PTPRN2: variants seen among roughly 807,000 people sequenced by gnomAD.
The protein encoded by PTPRN2 is protein tyrosine phosphatase receptor type N2, also known as receptor-type tyrosine-protein phosphatase N2.
A neutral mutation model predicts 118.8 loss-of-function variants in PTPRN2; 74 were observed. The observed-to-expected ratio is 0.62, with a 90% CI of 0.52 to 0.76. PTPRN2 has a LOEUF of 0.76. Ranked by LOEUF, PTPRN2 falls within the 30% of genes least tolerant of loss-of-function variation. The pLI is 0.00. For synonymous variants in PTPRN2, 641 were observed against 608.0 expected (o/e 1.05, Z -0.80); for missense variants, 1,481 against 1,394.4 (o/e 1.06, Z -0.99).
At chr7:158,134,791 G>T (rs376355540) in intron 8 of PTPRN2, among the ~76,000 whole-genome samples, 2 of 152,168 alleles carry the variant, frequency 1.3e-5, no homozygotes, top group African/African-American at 4.8e-5. Flanking sequence ...GATTTGCTTT[G>T]TGTGGGTTCT....
intron 1 of PTPRN2, among the ~76,000 whole-genome samples, chr7:158,548,567 TTTC>T (rs1159974730): frequency 6.6e-6 from 1 of 152,220 alleles, no homozygotes. Context: ...TGCAAGCACA[TTTC>T]TTCATGACTT....
intron 18 of PTPRN2, among the ~76,000 whole-genome samples, chr7:157,577,056 A>G (rs983088808): frequency 2.0e-5 from 3 of 152,172 alleles, no homozygotes; most frequent in Non-Finnish European, 2.9e-5. Context: ...ATCCAAAACT[A>G]TCCTACTTTC....
At chr7:158,521,828 C>G (rs1395686124) in intron 1 of PTPRN2, among the ~76,000 whole-genome samples, 5 of 61,764 alleles carry the variant, frequency 8.1e-5, no homozygotes, top group Non-Finnish European at 1.4e-4. Context: ...GTCCACGTCA[C>G]AATGGTGGAC....
At chr7:158,137,919 T>C (rs1317295705) in intron 7 of PTPRN2, among the ~76,000 whole-genome samples, 1 of 152,234 alleles carries the variant, frequency 6.6e-6, no homozygotes, top group African/African-American at 2.4e-5. Flanking sequence ...AGAGGACCAA[T>C]GCACGCCCCA....
intron 3 of PTPRN2, among the ~76,000 whole-genome samples, chr7:158,295,226 C>T (rs1563098964): frequency 1.5e-5 from 1 of 67,192 alleles, no homozygotes; most frequent in Non-Finnish European, 3.1e-5. Flanking sequence ...GGCCCGCTGA[C>T]CCTGCCTGTC....
Position 158,520,268 on chromosome 7 carries a change from A to G in PTPRN2, c.113-30483T>C, listed in dbSNP as rs137989418. 8.2e-3 allele frequency among the ~76,000 whole-genome samples: 1,250 copies of G among 152,312 alleles called. 18 individuals carry two copies. Among genetic ancestry groups the G allele is most frequent in the Middle Eastern group, 0.02 (6 of 294 alleles). On this transcript the variant is annotated intron_variant, in intron 1 of 22. Transcript: ENST00000389418. Reference sequence around the variant, plus strand: ...GGTGCATTGGCAGCCTGGGTCTCACACCGTCCCTTCTAGAGCAGGAAGGTG... The same window carrying G: ...GGTGCATTGGCAGCCTGGGTCTCACGCCGTCCCTTCTAGAGCAGGAAGGTG...
intron 12 of PTPRN2, among the ~76,000 whole-genome samples, chr7:157,738,260 C>T (rs542964548): frequency 6.6e-6 from 1 of 152,198 alleles, no homozygotes; most frequent in South Asian, 2.1e-4. Context: ...TTCAACATTC[C>T]TGGCGTCTGA....
Position 158,277,384 on chromosome 7 carries a change from T to C in PTPRN2, c.277+39435A>G, listed in dbSNP as rs527527138. Among the ~76,000 whole-genome samples, 8 of 152,250 alleles carry C rather than the reference T, an allele frequency of 5.3e-5. No homozygotes were observed. In the East Asian group the frequency reaches 1.5e-3, roughly 29 times the overall value. On this transcript the variant is annotated intron_variant, in intron 3 of 22. Transcript: ENST00000389418. ...TGCTGAAGACCACAGAGGAATGTGC[T>C]CCAGACGGAGGAGGCCGGGCCCAGG...
intron 2 of PTPRN2, among the ~76,000 whole-genome samples, chr7:158,338,050 G>T (rs868612810): frequency 4.3e-4 from 6 of 13,964 alleles, no homozygotes; most frequent in Non-Finnish European, 1.1e-3. Flanking sequence ...CTCACCATAA[G>T]AGGTGACACC....
At chr7:157,812,162 C>A (rs1034388506) in intron 12 of PTPRN2, among the ~76,000 whole-genome samples, 3 of 152,176 alleles carry the variant, frequency 2.0e-5, no homozygotes, top group African/African-American at 7.2e-5. Flanking sequence ...TCTGCTCTGG[C>A]CAAGGCAGGG....
At chr7:157,821,874 C>A (rs1004931313) in intron 12 of PTPRN2, among the ~76,000 whole-genome samples, 1 of 152,024 alleles carries the variant, frequency 6.6e-6, no homozygotes, top group Admixed American at 6.6e-5. Flanking sequence ...GGAGGAGGGA[C>A]ATGGGTTAGG....
chr7:157,542,624 C>G (rs909970544), intron 22 of PTPRN2, among the ~76,000 whole-genome samples: 1 of 152,170 alleles, frequency 6.6e-6, no homozygotes, highest in Non-Finnish European at 1.5e-5. Context: ...GGGAACTCCA[C>G]CAGGGTCTGG....
chr7:158,148,926 C>T (rs376708275), intron 6 of PTPRN2, among the ~76,000 whole-genome samples: 38 of 60,550 alleles, frequency 6.3e-4, no homozygotes, highest in South Asian at 1.5e-3. Flanking sequence ...GTCTTTCCCC[C>T]TCAATGACAC....
In PTPRN2 at chr7:157,576,620, A is replaced by G; in HGVS notation, c.2776T>C (p.Phe926Leu). The change falls in exon 19 of 23, where the codon TTC (phenylalanine) becomes CTC (leucine). Residue 926 changes from phenylalanine (F) to leucine (L), a missense_variant. Physicochemically the swap from Phe to Leu is conservative, Grantham distance 22. Transcript: ENST00000389418. ...GCGGGCCGCGCGTCATACCTGCGGA[A>G]GTCCAGGAGGGACCTTGAGGAGGAA... Reference protein sequence around the residue: ...VPSSSRSLLDFRRKVNKCYRG... With the variant: ...VPSSSRSLLDLRRKVNKCYRG... 2 of 1,610,288 alleles carry G rather than the reference A, an allele frequency of 1.2e-6. No individual in the cohort carries two copies. The highest frequency in any genetic ancestry group is 1.1e-5 in the South Asian group (1 of 90,424).
At chr7:158,265,480 C>T in intron 3 of PTPRN2, among the ~76,000 whole-genome samples, 1 of 152,128 alleles carries the variant, frequency 6.6e-6, no homozygotes, top group East Asian at 1.9e-4. Context: ...TGGAGGTAGG[C>T]ACCCACCTGC....
intron 2 of PTPRN2, among the ~76,000 whole-genome samples, chr7:158,340,812 A>G: frequency 1.2e-5 from 1 of 86,226 alleles, no homozygotes; most frequent in Admixed American, 1.1e-4. Context: ...TCACACCCAC[A>G]CATGTCACTC....
intron 2 of PTPRN2, among the ~76,000 whole-genome samples, chr7:158,471,503 C>T (rs1181624336): frequency 6.6e-6 from 1 of 152,144 alleles, no homozygotes; most frequent in Non-Finnish European, 1.5e-5. Flanking sequence ...ACCTGGCCAA[C>T]ATGGTGAAAC....
intron 10 of PTPRN2, among the ~76,000 whole-genome samples, chr7:158,098,033 C>A (rs1209425408): frequency 1.3e-5 from 2 of 152,242 alleles, no homozygotes; most frequent in Non-Finnish European, 2.9e-5. Flanking sequence ...AGCCCACACC[C>A]CCGTCCGTCC....
rs541915533 is a variant in PTPRN2 at position 158,287,528 on chromosome 7, A to C, written c.277+29291T>G. ...TTTGGTATGCTTTGTTTTTATTTTT[A>C]TTTATCTCAAGAGATCTTTTAATTC... On this transcript the variant is annotated intron_variant, in intron 3 of 22. Coordinates refer to ENST00000389418, the MANE Select transcript of PTPRN2 (RefSeq NM_002847.5). Among the ~76,000 whole-genome samples the C allele has an allele frequency of 5.3e-5, 8 of 152,006 alleles. No individual in the cohort carries two copies. The South Asian group carries it at 1.7e-3, about 32-fold the overall frequency.
Sources: allele counts gnomAD v4.1 joint callset (sites outside exome capture counted in the v4.1 genomes callset), GRCh38; gene constraint gnomAD v4.1.1; transcripts MANE v1.5; gene names NCBI Gene and HGNC (gene_info 2026-07-23, HGNC 2026-07-21).